Variants in MECOM observed in about 807,000 individuals in gnomAD.
The protein encoded by MECOM is histone-lysine N-methyltransferase MECOM.
Under a neutral mutation model 116.3 loss-of-function variants are expected in MECOM, and 13 were observed. The ratio of observed to expected loss-of-function variants is 0.11; its 90% CI spans 0.07 to 0.18. MECOM has a LOEUF of 0.18. Among genes scored for constraint, MECOM ranks in the 10% least tolerant of loss-of-function variants. The pLI is 1.00. For synonymous variants in MECOM, 528 were observed against 535.2 expected (o/e 0.99, Z 0.19); for missense variants, 1,299 against 1,509.0 (o/e 0.86, Z 2.31).
At chr3:169,492,438 A>T (rs1262967812) in intron 1 of MECOM, among the ~76,000 whole-genome samples, 3 of 152,158 alleles carry the variant, frequency 2.0e-5, no homozygotes, top group Non-Finnish European at 4.4e-5. Flanking sequence ...ATTATTCTGG[A>T]ATTTTTATCC....
intron 1 of MECOM, among the ~76,000 whole-genome samples, chr3:169,599,463 A>G (rs1416153077): frequency 6.6e-6 from 1 of 151,650 alleles, no homozygotes; most frequent in East Asian, 1.9e-4. Flanking sequence ...CAGTGAGCCA[A>G]GATCAAGCCA....
intron 11 of MECOM, among the ~76,000 whole-genome samples, 164 bp from the exon 12 acceptor site, chr3:169,101,126 T>A (rs967972201): frequency 6.6e-6 from 1 of 151,146 alleles, no homozygotes; most frequent in African/African-American, 2.4e-5. Flanking sequence ...CAGATATTAA[T>A]ATAAATAACT....
chr3:169,604,134 G>A (rs1335240469), intron 1 of MECOM, among the ~76,000 whole-genome samples: 1 of 152,120 alleles, frequency 6.6e-6, no homozygotes, highest in African/African-American at 2.4e-5. Flanking sequence ...GTATTAATGA[G>A]TATTTGTGTG....
intron 1 of MECOM, among the ~76,000 whole-genome samples, chr3:169,517,848 G>GAA: frequency 6.6e-6 from 1 of 152,246 alleles, no homozygotes; most frequent in Non-Finnish European, 1.5e-5. Context: ...AAAAAAGAGA[G>GAA]AAAAAATAAG....
At chr3:169,549,000 G>A (rs1253561603) in intron 1 of MECOM, among the ~76,000 whole-genome samples, 3 of 129,990 alleles carry the variant, frequency 2.3e-5, no homozygotes, top group Non-Finnish European at 3.1e-5. Flanking sequence ...TTGAGACGAA[G>A]TCTCACTCTG....
chr3:169,554,079 G>A (rs1014949720), intron 1 of MECOM, among the ~76,000 whole-genome samples: 17 of 152,152 alleles, frequency 1.1e-4, no homozygotes, highest in African/African-American at 3.6e-4. Flanking sequence ...ACAGCCAGTG[G>A]CATCTGAATA....
At chr3:169,364,958 A>T (rs1728908308) in intron 2 of MECOM, among the ~76,000 whole-genome samples, 1 of 152,036 alleles carries the variant, frequency 6.6e-6, no homozygotes, top group Non-Finnish European at 1.5e-5. Context: ...TTTCTAACAT[A>T]TTTACTTAAT....
At chr3:169,465,023 T>C (rs1748055855) in intron 1 of MECOM, among the ~76,000 whole-genome samples, 1 of 152,154 alleles carries the variant, frequency 6.6e-6, no homozygotes, top group African/African-American at 2.4e-5. Flanking sequence ...ATTTTTTCTT[T>C]TAAAAATCTT....
At chr3:169,502,520 C>T (rs577466068) in intron 1 of MECOM, among the ~76,000 whole-genome samples, 1 of 152,066 alleles carries the variant, frequency 6.6e-6, no homozygotes, top group African/African-American at 2.4e-5. Context: ...CAACCAGAGA[C>T]CCCTAAAAAC....
intron 1 of MECOM, among the ~76,000 whole-genome samples, chr3:169,438,963 T>A (rs186418369): frequency 6.6e-6 from 1 of 151,992 alleles, no homozygotes; most frequent in African/African-American, 2.4e-5. Flanking sequence ...TACAAATTAC[T>A]ACCCACAAAA....
chr3:169,095,828 T>C (rs957186918), intron 12 of MECOM, among the ~76,000 whole-genome samples: 2 of 151,942 alleles, frequency 1.3e-5, no homozygotes, highest in Admixed American at 6.5e-5. Flanking sequence ...TTTTCTCTGT[T>C]AATCTTTAAA....
At chr3:169,122,783 A>C (rs3851380) in intron 5 of MECOM, 56 bp from the exon 6 acceptor site, 1 of 1,573,320 alleles carries the variant, frequency 6.4e-7, no homozygotes, top group Admixed American at 1.7e-5. Context: ...AAACGGAACA[A>C]CATTTTATTG....
At chr3:169,211,311 G>A (rs1750703911) in intron 2 of MECOM, among the ~76,000 whole-genome samples, 1 of 152,088 alleles carries the variant, frequency 6.6e-6, no homozygotes, top group Non-Finnish European at 1.5e-5. Flanking sequence ...TGATGAGATT[G>A]ATTAGTAAAA....
At chr3:169,485,488 G>A (rs1386531255) in intron 1 of MECOM, among the ~76,000 whole-genome samples, 4 of 151,966 alleles carry the variant, frequency 2.6e-5, no homozygotes. Context: ...TAAAAAGAGA[G>A]GGTTACAATA....
chr3:169,565,914 A>G, intron 1 of MECOM: 2 of 442,282 alleles, frequency 4.5e-6, no homozygotes, highest in Admixed American at 4.8e-5. Flanking sequence ...ACACTCCTTT[A>G]AAGAACTATG....
intron 7 of MECOM, 42 bp downstream of exon 7, chr3:169,121,014 G>C (rs372990646): frequency 6.4e-7 from 1 of 1,556,904 alleles, no homozygotes; most frequent in South Asian, 1.2e-5. Flanking sequence ...TTTTGGGGAA[G>C]AGACAGATGT....
intron 1 of MECOM, among the ~76,000 whole-genome samples, chr3:169,540,265 G>C (rs572654826): frequency 6.6e-6 from 1 of 152,256 alleles, no homozygotes; most frequent in South Asian, 2.1e-4. Context: ...ACACCCCTGA[G>C]ATTTTTTTCT....
chr3:169,226,327 C>G (rs1266530565), intron 2 of MECOM, among the ~76,000 whole-genome samples: 1 of 152,038 alleles, frequency 6.6e-6, no homozygotes, highest in Admixed American at 6.6e-5. Flanking sequence ...TTCCACAGGA[C>G]CTATAGTCCC....
At chr3:169,218,023 T>C (rs1178275326) in intron 2 of MECOM, among the ~76,000 whole-genome samples, 1 of 151,884 alleles carries the variant, frequency 6.6e-6, no homozygotes, top group Non-Finnish European at 1.5e-5. Flanking sequence ...TATAGTGAAA[T>C]TAATGCTTAG....
Sources: gnomAD v4.1 joint callset for allele counts (sites outside exome capture counted in the v4.1 genomes callset) on GRCh38, gnomAD v4.1.1 for gene constraint, MANE v1.5 for transcripts, NCBI Gene and HGNC (gene_info 2026-07-23, HGNC 2026-07-21) for gene names.